Variants in CENPE observed in about 807,000 individuals in gnomAD.
The protein encoded by CENPE is centromere-associated protein E.
Under a neutral mutation model 336.1 loss-of-function variants are expected in CENPE, and 145 were observed. The ratio of observed to expected loss-of-function variants is 0.43; its 90% CI spans 0.38 to 0.50. The LOEUF is 0.50. CENPE is among the 20% of genes least tolerant of loss of function. The pLI, the probability that CENPE is intolerant of heterozygous loss-of-function variation, is 0.00. For missense variants in CENPE, 2,719 were observed against 3,023.3 expected (o/e 0.90, Z 2.36); for synonymous variants, 1,013 against 984.8 (o/e 1.03, Z -0.54).
rs545410036 is a variant in CENPE at position 103,149,738 on chromosome 4, G to A, written c.3397-330C>T. On this transcript the variant is annotated intron_variant, in intron 26 of 48. Transcript: ENST00000265148. ...ACATAAAAGCACATAGAGAGGCACA[G>A]AGAAGGAGGTCATGTGAAGCAGTTA... is the stretch of plus-strand genomic sequence containing the variant. 1.1e-4 allele frequency among the ~76,000 whole-genome samples: 16 copies of A among 152,324 alleles called. No individual in the cohort carries two copies. The South Asian group carries it at 3.3e-3, about 32-fold the overall frequency.
rs568016910 is a variant in CENPE, at chr4:103,146,043, G to C, written c.4199C>G (p.Thr1400Ser). The C allele has an allele frequency of 1.6e-5, 26 of 1,613,786 alleles. No homozygotes were observed. In the East Asian group the frequency reaches 3.6e-4, roughly 22 times the overall value. ...LNMKEKDNETTKIVSEMEQFK... is the reference protein window; with the variant it reads ...LNMKEKDNETSKIVSEMEQFK... ...TTGCTCCATCTCACTCACGATTTTGGTAGTTTCATTGTCTTTTTCTTTCAT... is the reference window on the plus strand; with the variant it reads ...TTGCTCCATCTCACTCACGATTTTGCTAGTTTCATTGTCTTTTTCTTTCAT... Residue 1400 changes from threonine (T) to serine (S), a missense_variant, in exon 30 of 49, where the codon ACC becomes AGC. By Grantham distance (58) the Thr-to-Ser change is moderately conservative (BLOSUM62 1). This residue lies in a region of CENPE where 2,437 missense variants were observed against 2,513.3 expected (regional missense o/e 0.97). Transcript: ENST00000265148.
rs1196897603 is a variant in CENPE, at chr4:103,141,899, T to G, written c.5314A>C (p.Ile1772Leu). ...NDALKAQDLK[I>L]QEELRIAHMH... ...TGAGCAATTCTTAGTTCCTCTTGTA[T>G]TTTCAGATCCTTTACCATTAGAGAA... The change falls in exon 35 of 49, where the codon ATA becomes CTA. Residue 1772 changes from isoleucine (I) to leucine (L), a missense_variant. Ile to Leu is a conservative substitution (Grantham distance 5). This residue lies in a region of CENPE where 2,437 missense variants were observed against 2,513.3 expected (regional missense o/e 0.97). Transcript: ENST00000265148. The G allele has an allele frequency of 6.3e-7, 1 of 1,592,194 alleles. No homozygotes were observed. Among genetic ancestry groups the G allele is most frequent in the Non-Finnish European group, 8.6e-7 (1 of 1,168,328 alleles).
rs1578607697 is a variant in CENPE, at chr4:103,147,447, G to A, written c.4043C>T (p.Thr1348Ile). ...QESQEEIKSL[T>I]KERDNLKTIK... is the part of the protein sequence containing the mutation. ...CGTTTTAAGGTTGTCTCTTTCCTTGGTTAGAGATTTTATCTCTTCCTGACT... is the reference window on the plus strand; with the variant it reads ...CGTTTTAAGGTTGTCTCTTTCCTTGATTAGAGATTTTATCTCTTCCTGACT... Residue 1348 changes from threonine (T) to isoleucine (I), a missense_variant, in exon 29 of 49, where the codon ACC (threonine) becomes ATC (isoleucine). By Grantham distance (89) the Thr-to-Ile change is moderately conservative (BLOSUM62 -1). Transcript: ENST00000265148. 1 of 1,613,874 alleles carries A rather than the reference G, an allele frequency of 6.2e-7. No individual in the cohort carries two copies. Among genetic ancestry groups the A allele is most frequent in the Non-Finnish European group, 8.5e-7 (1 of 1,179,936 alleles).
chr4:103,112,645 TATACTTATAAGTATATATAAGTCTGC>T (rs1199335752), intron 46 of CENPE, among the ~76,000 whole-genome samples: 1 of 130,284 alleles, frequency 7.7e-6, no homozygotes, highest in African/African-American at 3.2e-5. Flanking sequence ...TAAGTGGATA[TATACTTATAAGTATATATAAGTCTGC>T]ATATATACTT....
rs1245648614 is a variant in CENPE at position 103,144,509 on chromosome 4, T to A, written c.4967A>T (p.Gln1656Leu). ...IEHLKEQFET[Q>L]KLNLENIETE... The stretch of plus-strand genomic sequence containing the variant: ...TTCTATGTTTTCCAGGTTTAACTTC[T>A]GGGTCTCAAATTGCTCCTTCAAGTG... Residue 1656 changes from glutamine (Q) to leucine (L), a missense_variant, in exon 33 of 49, where the codon CAG becomes CTG. Gln to Leu is a moderately radical substitution (Grantham distance 113, BLOSUM62 -2). This residue lies in a region of CENPE where 2,437 missense variants were observed against 2,513.3 expected (regional missense o/e 0.97). Coordinates refer to ENST00000265148, the MANE Select transcript of CENPE (RefSeq NM_001813.3). 6.2e-7 allele frequency: 1 copy of A among 1,614,118 alleles called. No homozygotes were observed. The highest frequency in any genetic ancestry group is 1.1e-5 in the South Asian group (1 of 91,086).
At chr4:103,166,897 C>T (rs1390804534) in intron 16 of CENPE, among the ~76,000 whole-genome samples, 1 of 152,154 alleles carries the variant, frequency 6.6e-6, no homozygotes, top group East Asian at 1.9e-4. Flanking sequence ...ACACTTTACA[C>T]TAATAACTCC....
chr4:103,124,388 C>T (rs1750913137), intron 42 of CENPE, among the ~76,000 whole-genome samples: 3 of 152,100 alleles, frequency 2.0e-5, no homozygotes. Flanking sequence ...TATTGATCTG[C>T]AAGATGATAA....
intron 44 of CENPE, among the ~76,000 whole-genome samples, chr4:103,118,954 T>C (rs1750375042): frequency 6.6e-6 from 1 of 152,172 alleles, no homozygotes; most frequent in Admixed American, 6.5e-5. Context: ...TGTTTTCAGT[T>C]TGCTATTTCC....
chr4:103,152,144 A>C (rs898367005), intron 25 of CENPE, among the ~76,000 whole-genome samples: 8 of 152,134 alleles, frequency 5.3e-5, no homozygotes, highest in African/African-American at 1.9e-4. Flanking sequence ...AGCAAAAAAA[A>C]AGAGAAACAT....
chr4:103,108,558 T>C (rs1415331098), intron 48 of CENPE, among the ~76,000 whole-genome samples: 5 of 151,648 alleles, frequency 3.3e-5, no homozygotes, highest in African/African-American at 1.2e-4. Flanking sequence ...TTGTCTCTCT[T>C]TGGACGAAAC....
chr4:103,144,139 T>C (rs1475993157), intron 33 of CENPE, among the ~76,000 whole-genome samples, 192 bp downstream of exon 33: 3 of 152,128 alleles, frequency 2.0e-5, no homozygotes, highest in Non-Finnish European at 4.4e-5. Flanking sequence ...CGTTTCACCA[T>C]GTTAGCCAGG....
chr4:103,145,179 G>C lies in CENPE; in HGVS notation c.4728C>G (p.Asn1576Lys), dbSNP rs759693779. ...TTTCTTCTTGACTTTCTTGAAGTCT[G>C]TTGGTCAACTCGAGCATCTTACTTT... is the stretch of plus-strand genomic sequence containing the variant. ...SIESKMLELT[N>K]RLQESQEEIQ... Residue 1576 changes from asparagine to lysine, a missense_variant, in exon 32 of 49, where the codon AAC (asparagine) becomes AAG (lysine). Physicochemically the swap from Asn to Lys is moderately conservative, Grantham distance 94. This residue lies in a region of CENPE where 2,437 missense variants were observed against 2,513.3 expected (regional missense o/e 0.97). Coordinates refer to ENST00000265148, the MANE Select transcript of CENPE (RefSeq NM_001813.3). 2 of 1,613,236 alleles carry C rather than the reference G, an allele frequency of 1.2e-6. No homozygotes were observed. The highest frequency in any genetic ancestry group is 2.7e-5 in the African/African-American group (2 of 74,840).
At chr4:103,195,808 A>G in intron 4 of CENPE, 112 bp downstream of exon 4, 1 of 723,782 alleles carries the variant, frequency 1.4e-6, no homozygotes. Context: ...ATAATCAAAC[A>G]ATAACTGTAA....
At chr4:103,170,873 G>C (rs1260576694) in intron 16 of CENPE, among the ~76,000 whole-genome samples, 1 of 152,114 alleles carries the variant, frequency 6.6e-6, no homozygotes, top group Non-Finnish European at 1.5e-5. Flanking sequence ...AATTGTAAGA[G>C]AGCAGGAGAA....
At chr4:103,106,512 A>T (rs936643135) in intron 48 of CENPE, among the ~76,000 whole-genome samples, 196 bp from the exon 49 acceptor site, 1 of 152,208 alleles carries the variant, frequency 6.6e-6, no homozygotes, top group African/African-American at 2.4e-5. Context: ...TTTTGTCCTA[A>T]AATGAACTAT....
Position 103,159,011 on chromosome 4 carries a change from T to C in CENPE, c.2600A>G (p.Glu867Gly). The C allele has an allele frequency of 6.5e-7, 1 of 1,531,840 alleles. No individual in the cohort carries two copies. The allele number at this position is 1,531,840 out of a possible 1,614,324, so 94.9% of individuals were successfully genotyped here. Residue 867 changes from glutamate (E) to glycine (G), a missense_variant and splice_region_variant, in exon 22 of 49, where the codon GAG becomes GGG. Glu to Gly is a moderately conservative substitution (Grantham distance 98). Coordinates refer to ENST00000265148, the MANE Select transcript of CENPE (RefSeq NM_001813.3). ...CTCAAAATAGCATCTTGTACCAACC[T>C]CGGTCTTCAAAGCACCCAAACTCGA... is the stretch of plus-strand genomic sequence containing the variant. ...FDSSLGALKT[E>G]LSYKTQELQE...
At chr4:103,173,208 C>A (rs1318851944) in intron 16 of CENPE, among the ~76,000 whole-genome samples, 1 of 151,998 alleles carries the variant, frequency 6.6e-6, no homozygotes, top group African/African-American at 2.4e-5. Context: ...CATGCATATA[C>A]AGTCAACTGA....
Position 103,198,267 on chromosome 4 carries a change from C to T in CENPE, c.53G>A (p.Ser18Asn). 1 of 1,550,680 alleles carries T rather than the reference C, an allele frequency of 6.4e-7. No individual in the cohort carries two copies. The highest frequency in any genetic ancestry group is 8.7e-7 in the Non-Finnish European group (1 of 1,146,820). ...AVCVRVRPLN[S>N]REESLGETAQ... ...GGCCGTGGTGTGGCCCCCCTACCTG[C>T]TGTTCAGCGGCCGCACTCGCACGCA... The change falls in exon 1 of 49, where the codon AGC becomes AAC. Residue 18 changes from serine to asparagine, a missense_variant. Coordinates refer to ENST00000265148, the MANE Select transcript of CENPE (RefSeq NM_001813.3).
rs745764906 is a variant in CENPE, at chr4:103,149,173, G to A, written c.3632C>T (p.Ser1211Leu). 2.5e-6 allele frequency: 4 copies of A among 1,609,176 alleles called. No homozygotes were observed. In the South Asian group the frequency reaches 4.4e-5, roughly 18 times the overall value. ...AAGGTGGTCTCTCTCTGTTTCAAAT[G>A]ACTTCTGTAATTCCTTTAGAACTTT... ...ERKVLKELQK[S>L]FETERDHLRG... Residue 1211 changes from serine (S) to leucine (L), a missense_variant, in exon 27 of 49, where the codon TCA becomes TTA. This residue lies in a region of CENPE where 2,437 missense variants were observed against 2,513.3 expected (regional missense o/e 0.97). Coordinates refer to ENST00000265148, the MANE Select transcript of CENPE (RefSeq NM_001813.3).
Sources: allele counts gnomAD v4.1 joint callset (sites outside exome capture counted in the v4.1 genomes callset), GRCh38; gene constraint gnomAD v4.1.1; regional missense constraint gnomAD v4.1.1; transcripts MANE v1.5; gene names NCBI Gene and HGNC (gene_info 2026-07-23, HGNC 2026-07-21).